Variants in PSMC2 observed in about 807,000 individuals in gnomAD.
PSMC2 encodes 26S proteasome regulatory subunit 7.
A neutral mutation model predicts 53.3 loss-of-function variants in PSMC2; 7 were observed. The observed-to-expected ratio is 0.13, with a 90% CI of 0.07 to 0.25. The LOEUF (loss-of-function observed/expected upper bound fraction) is 0.25. PSMC2 is among the 10% of genes least tolerant of loss of function. The pLI, the probability that PSMC2 is intolerant of heterozygous loss-of-function variation, is 1.00. For synonymous variants in PSMC2, 169 were observed against 183.9 expected, an observed-to-expected ratio of 0.92 and a Z score of 0.66; for missense variants, 241 against 544.0, an observed-to-expected ratio of 0.44 and a Z score of 5.54.
In PSMC2 at chr7:103,367,939, C is replaced by CCAT; in HGVS notation, c.1190_1192dup (p.Ile397dup). ...GTCTGCACAGAGGCTGGTATGTTTG[C>CCAT]CATCAGAGCACGGCGAAAAATTGCT... On this transcript the variant is annotated inframe_insertion, in exon 12 of 12. Transcript: ENST00000292644. The surrounding 1 kb of genome is among the most constrained non-coding windows in gnomAD (Gnocchi z 6.1). The CCAT allele has an allele frequency of 3.7e-6, 6 of 1,613,930 alleles. No individual in the cohort carries two copies. Among genetic ancestry groups the CCAT allele is most frequent in the Non-Finnish European group, 5.1e-6 (6 of 1,179,994 alleles).
intron 1 of PSMC2, chr7:103,348,684 C>T (rs752007973): frequency 5.9e-5 from 94 of 1,588,898 alleles, no homozygotes; most frequent in Non-Finnish European, 7.8e-5. Flanking sequence ...CAAACCGGCA[C>T]GGTCTGATCC....
chr7:103,362,349 T>C, intron 5 of PSMC2: 1 of 1,356,580 alleles, frequency 7.4e-7, no homozygotes. Flanking sequence ...CCATTTAAGG[T>C]AACATGGTAT....
intron 1 of PSMC2, among the ~76,000 whole-genome samples, chr7:103,350,877 C>A (rs1586132252): frequency 6.6e-6 from 1 of 152,206 alleles, no homozygotes; most frequent in African/African-American, 2.4e-5. Flanking sequence ...TTTCTTAATT[C>A]CCAGATCTTT....
Position 103,363,349 on chromosome 7 carries a change from A to G in PSMC2, c.501A>G (p.Glu167=), listed in dbSNP as rs567731985. ...IDPTVTMMQV[E]EKPDVTYSDV... ...CATTTCTGTCCCTCTCTTAGGTGGA[A>G]GAGAAACCTGATGTCACATACAGTG... The change falls in exon 7 of 12, where the codon GAA becomes GAG. Residue 167 remains glutamate (E), a synonymous_variant. Transcript: ENST00000292644. 606 of 1,612,596 alleles carry G rather than the reference A, an allele frequency of 3.8e-4. 10 individuals carry two copies. The South Asian group carries it at 5.9e-3, about 16-fold the overall frequency.
upstream of PSMC2, chr7:103,347,623 C>A: frequency 6.7e-7 from 1 of 1,500,220 alleles, no homozygotes; most frequent in Non-Finnish European, 9.3e-7. Flanking sequence ...CAATTTACTT[C>A]CGGTGGGGAA....
intron 6 of PSMC2, 150 bp from the exon 7 acceptor site, chr7:103,363,194 T>C: frequency 3.3e-6 from 2 of 601,412 alleles, no homozygotes; most frequent in Non-Finnish European, 5.9e-6. Flanking sequence ...ATACAGCAAG[T>C]AGTTCCAGGG....
At chr7:103,356,567 T>A (rs1326505744) in intron 4 of PSMC2, among the ~76,000 whole-genome samples, 1 of 152,242 alleles carries the variant, frequency 6.6e-6, no homozygotes, top group Non-Finnish European at 1.5e-5. Context: ...CTGTGTTGAT[T>A]ACTAGTATGA....
rs1437589864 is a variant in PSMC2, at chr7:103,362,107, A to G, written c.422+19A>G. The G allele has an allele frequency of 1.2e-6, 2 of 1,611,488 alleles. No individual in the cohort carries two copies. Among genetic ancestry groups the G allele is most frequent in the African/African-American group, 2.7e-5 (2 of 74,736 alleles). On this transcript the variant is annotated intron_variant, in intron 5 of 11. Transcript: ENST00000292644. ...GAGTGGGGTAAGATTTCTATTTACA[A>G]TAAATACTTTTCTTTCACTAAGGAT...
At chr7:103,363,306 C>T (rs1452051561) in intron 6 of PSMC2, 38 bp from the exon 7 acceptor site, 1 of 1,514,396 alleles carries the variant, frequency 6.6e-7, no homozygotes, top group Admixed American at 1.7e-5. Flanking sequence ...TCCAAAAAGC[C>T]TGTGACTGTA....
At chr7:103,348,270 C>T (rs1819649435) in intron 1 of PSMC2, among the ~76,000 whole-genome samples, 1 of 152,220 alleles carries the variant, frequency 6.6e-6, no homozygotes, top group South Asian at 2.1e-4. Flanking sequence ...TGGCCCCAGC[C>T]ACCAACTTCT....
chr7:103,347,538 A>C, upstream of PSMC2: 1 of 648,230 alleles, frequency 1.5e-6, no homozygotes, highest in Admixed American at 2.8e-5. Flanking sequence ...TCAGTCCAAA[A>C]ACCAGCGTGC....
chr7:103,364,375 TGGC>T (rs1820578244), intron 8 of PSMC2, 68 bp downstream of exon 8: 1 of 1,559,554 alleles, frequency 6.4e-7, no homozygotes, highest in Non-Finnish European at 8.8e-7. Flanking sequence ...AAATTAAAAA[TGGC>T]ACTTCTGCAT....
Position 103,369,386 on chromosome 7 carries a change from T to G in PSMC2, c.*1332T>G, listed in dbSNP as rs1162642496. 6.6e-6 allele frequency: 1 copy of G among 152,210 alleles called. No individual in the cohort carries two copies. Among genetic ancestry groups the G allele is most frequent in the Non-Finnish European group, 1.5e-5 (1 of 68,030 alleles). The allele number at this position is 152,210 out of a possible 1,614,324, so 9.4% of individuals were successfully genotyped here. On this transcript the variant is annotated 3_prime_UTR_variant, in exon 12 of 12. Transcript: ENST00000292644. ...GTTTTGATTAAATAAATGTACACAT[T>G]TAGAACACACTCTGAAGTCTTTCCA...
In PSMC2 at chr7:103,367,835, T is replaced by C. The variant is rs775683191; in HGVS notation, c.1144+26T>C. 1 of 1,612,304 alleles carries C rather than the reference T, an allele frequency of 6.2e-7. No individual in the cohort carries two copies. The highest frequency in any genetic ancestry group is 8.5e-7 in the Non-Finnish European group (1 of 1,179,272). ...GTAAGTAGAAAGTTCTTGCTTATAT[T>C]TGCTGGTCTGTCTGCTCAGGCTGCT... On this transcript the variant is annotated intron_variant, in intron 11 of 11. Coordinates refer to ENST00000292644, the MANE Select transcript of PSMC2 (RefSeq NM_002803.4). The surrounding 1 kb of genome is among the most constrained non-coding windows in gnomAD (Gnocchi z 6.1).
chr7:103,350,970 G>A lies in PSMC2; in HGVS notation c.71-2951G>A, dbSNP rs1165204354. On this transcript the variant is annotated intron_variant, in intron 1 of 11. Coordinates refer to ENST00000292644, the MANE Select transcript of PSMC2 (RefSeq NM_002803.4). Reference sequence around the variant, plus strand: ...TTGGTTTCTCTTGCTGAACCTTCCCGTTTATCCGCCTGCTTCTTTTCTTTC... The same window carrying A: ...TTGGTTTCTCTTGCTGAACCTTCCCATTTATCCGCCTGCTTCTTTTCTTTC... Among the ~76,000 whole-genome samples, 10 of 152,152 alleles carry A rather than the reference G, an allele frequency of 6.6e-5. No homozygotes were observed. The East Asian group carries it at 1.7e-3, about 26-fold the overall frequency.
Position 103,360,399 on chromosome 7 carries a change from C to T in PSMC2, c.291-1558C>T, listed in dbSNP as rs567218152. ...AGAGAATGGGTATAATTCTTCTTCCCTAGCAAACATGGTTGGTAACAGAAA... is the reference window on the plus strand; with the variant it reads ...AGAGAATGGGTATAATTCTTCTTCCTTAGCAAACATGGTTGGTAACAGAAA... On this transcript the variant is annotated intron_variant, in intron 4 of 11. Coordinates refer to ENST00000292644, the MANE Select transcript of PSMC2 (RefSeq NM_002803.4). Among the ~76,000 whole-genome samples, 8 of 152,074 alleles carry T rather than the reference C, an allele frequency of 5.3e-5. No homozygotes were observed. In the South Asian group the frequency reaches 1.7e-3, roughly 32 times the overall value.
intron 8 of PSMC2, 121 bp from the exon 9 acceptor site, chr7:103,365,955 A>G: frequency 1.3e-6 from 1 of 759,234 alleles, no homozygotes; most frequent in Non-Finnish European, 2.1e-6. Context: ...AAAAACGTTT[A>G]GGTAATAATG....
chr7:103,368,132 C>T lies in PSMC2; in HGVS notation c.*78C>T, dbSNP rs532148738. On this transcript the variant is annotated 3_prime_UTR_variant, in exon 12 of 12. Transcript: ENST00000292644. ...GACTTGTTAATAACCAATTCATAAA[C>T]AAATAAATGGCTTCAAAATTGTATG... 9 of 1,266,814 alleles carry T rather than the reference C, an allele frequency of 7.1e-6. No homozygotes were observed. 78.5% of individuals were successfully genotyped at this position (1,266,814 alleles called of 1,614,324 possible). A position where few individuals can be genotyped will look rare whatever the true frequency, so the allele number is the denominator to read the frequency against.
At chr7:103,364,033 T>G in intron 7 of PSMC2, 110 bp from the exon 8 acceptor site, 1 of 1,005,494 alleles carries the variant, frequency 9.9e-7, no homozygotes, top group Non-Finnish European at 1.4e-6. Context: ...AATATTAAAG[T>G]ATGGTTTTCA....
Sources: gnomAD v4.1 joint callset for allele counts (sites outside exome capture counted in the v4.1 genomes callset) on GRCh38, gnomAD v4.1.1 for gene constraint, Gnocchi (gnomAD v3.1) non-coding constraint, MANE v1.5 for transcripts, NCBI Gene and HGNC (gene_info 2026-07-23, HGNC 2026-07-21) for gene names.